SLC35F3: variants seen among roughly 807,000 people sequenced by gnomAD.
SLC35F3 encodes the protein solute carrier family 35 member F3, also known as putative thiamine transporter SLC35F3.
In SLC35F3, 25 loss-of-function variants were observed where a neutral mutation model predicts 49.9. The observed-to-expected ratio is 0.50, with a 90% CI of 0.37 to 0.70. The LOEUF is 0.70. Ranked by LOEUF, SLC35F3 falls within the 30% of genes least tolerant of loss-of-function variation. The pLI, the probability that SLC35F3 is intolerant of heterozygous loss-of-function variation, is 0.00. For missense variants in SLC35F3, 525 were observed against 639.8 expected (o/e 0.82, Z 1.94); for synonymous variants, 275 against 265.4 (o/e 1.04, Z -0.35).
intron 3 of SLC35F3, among the ~76,000 whole-genome samples, chr1:234,297,760 A>G (rs924266526): frequency 6.9e-6 from 1 of 144,188 alleles, no homozygotes; most frequent in African/African-American, 2.6e-5. Flanking sequence ...AAAAAAAAAA[A>G]CAGTTAAACT....
intron 2 of SLC35F3, among the ~76,000 whole-genome samples, chr1:233,950,850 T>G (rs1046397419): frequency 6.6e-6 from 1 of 152,032 alleles, no homozygotes; most frequent in Non-Finnish European, 1.5e-5. Context: ...TTTGTTGGTT[T>G]TTTTTCCCCC....
intron 2 of SLC35F3, among the ~76,000 whole-genome samples, chr1:234,139,461 C>T (rs1256493978): frequency 2.0e-5 from 3 of 152,102 alleles, no homozygotes; most frequent in Non-Finnish European, 2.9e-5. Context: ...AGTAAAGGCA[C>T]TCTACAATAG....
At chr1:233,946,424 G>T (rs1025054401) in intron 2 of SLC35F3, among the ~76,000 whole-genome samples, 27 of 152,190 alleles carry the variant, frequency 1.8e-4, no homozygotes, top group African/African-American at 2.4e-5. Flanking sequence ...ATTAAGAAAA[G>T]ATATCGAATG....
intron 2 of SLC35F3, among the ~76,000 whole-genome samples, chr1:234,150,963 C>T (rs1465837273): frequency 6.6e-6 from 1 of 152,120 alleles, no homozygotes; most frequent in African/African-American, 2.4e-5. Context: ...TTAAGAAGCA[C>T]GCTAAAACTG....
At chr1:234,097,320 C>G (rs752868074) in intron 2 of SLC35F3, among the ~76,000 whole-genome samples, 28 of 152,178 alleles carry the variant, frequency 1.8e-4, no homozygotes, top group Non-Finnish European at 3.4e-4. Flanking sequence ...CCAAAAATCA[C>G]TTGTACCCCA....
At chr1:234,034,623 C>T (rs976729443) in intron 2 of SLC35F3, among the ~76,000 whole-genome samples, 30 of 146,518 alleles carry the variant, frequency 2.0e-4, no homozygotes, top group African/African-American at 7.8e-4. Context: ...CGGATTCAAG[C>T]GATTATCCTG....
intron 3 of SLC35F3, 68 bp from the exon 4 acceptor site, chr1:234,309,033 C>A: frequency 3.3e-6 from 4 of 1,220,772 alleles, no homozygotes; most frequent in Non-Finnish European, 4.6e-6. Flanking sequence ...AAAAAACTTG[C>A]TATAGGAAAT....
At position 234,142,682 on chromosome 1, in the gene SLC35F3, C is replaced by T. The variant is rs563221915; in HGVS notation, c.284-88735C>T. Among the ~76,000 whole-genome samples the T allele has an allele frequency of 1.4e-3, 207 of 151,960 alleles. 1 individual carries two copies. In the South Asian group the frequency reaches 0.017, roughly 13 times the overall value. ...CTCAAAAAAAAAACGCATGATGTGTCGCTATATGGGGGGACCCTATGGTTG... is the reference window on the plus strand; with the variant it reads ...CTCAAAAAAAAAACGCATGATGTGTTGCTATATGGGGGGACCCTATGGTTG... On this transcript the variant is annotated intron_variant, in intron 2 of 7. Coordinates refer to ENST00000366618, the MANE Select transcript of SLC35F3 (RefSeq NM_173508.4).
At chr1:234,249,214 C>G (rs750744377) in intron 3 of SLC35F3, among the ~76,000 whole-genome samples, 1 of 152,162 alleles carries the variant, frequency 6.6e-6, no homozygotes, top group African/African-American at 2.4e-5. Flanking sequence ...TGAATGGTCT[C>G]ATCCTTATCA....
At chr1:234,167,750 CCCACCA>C (rs1229931114) in intron 2 of SLC35F3, among the ~76,000 whole-genome samples, 1 of 152,092 alleles carries the variant, frequency 6.6e-6, no homozygotes, top group Non-Finnish European at 1.5e-5. Context: ...TCATTTCATC[CCCACCA>C]CCTCATGGTA....
chr1:233,940,393 G>T (rs1662401228), intron 2 of SLC35F3, among the ~76,000 whole-genome samples: 1 of 151,656 alleles, frequency 6.6e-6, no homozygotes, highest in South Asian at 2.1e-4. Context: ...GAGAGAGAGA[G>T]AGATAGGAAT....
Position 234,320,330 on chromosome 1 carries a change from ATACTCT to A in SLC35F3, c.1237+144_1237+149del. The A allele has an allele frequency of 1.6e-6, 1 of 630,166 alleles. No homozygotes were observed. Among genetic ancestry groups the A allele is most frequent in the Non-Finnish European group, 2.9e-6 (1 of 344,986 alleles). The allele number at this position is 630,166 out of a possible 1,614,324, so 39.0% of individuals were successfully genotyped here. Reference sequence around the variant, plus strand: ...CACTCATGCATACACACACACACACATACTCTCACATACATACTCACATATATTATT... The same window carrying A: ...CACTCATGCATACACACACACACACACACATACATACTCACATATATTATT... On this transcript the variant is annotated intron_variant, in intron 7 of 7. Coordinates refer to ENST00000366618, the MANE Select transcript of SLC35F3 (RefSeq NM_173508.4). This position sits in a 1 kb window ranked among gnomAD's most constrained non-coding sequence, Gnocchi z 4.8.
At chr1:233,908,392 C>G (rs1661810201) in intron 2 of SLC35F3, among the ~76,000 whole-genome samples, 2 of 152,112 alleles carry the variant, frequency 1.3e-5, no homozygotes, top group Non-Finnish European at 1.5e-5. Context: ...CATTTGTATC[C>G]TCTTCATTTT....
At chr1:233,948,158 T>C (rs144841431) in intron 2 of SLC35F3, among the ~76,000 whole-genome samples, 1 of 150,854 alleles carries the variant, frequency 6.6e-6, no homozygotes, top group African/African-American at 2.4e-5. Flanking sequence ...ACAGGGCATG[T>C]GTCCATACTC....
intron 2 of SLC35F3, among the ~76,000 whole-genome samples, chr1:234,121,554 T>G (rs1230123913): frequency 6.7e-6 from 1 of 150,184 alleles, no homozygotes; most frequent in East Asian, 1.9e-4. Context: ...TTAAAGAAGC[T>G]TTTTTTTTCT....
At chr1:234,295,446 C>T (rs750651406) in intron 3 of SLC35F3, among the ~76,000 whole-genome samples, 2 of 152,256 alleles carry the variant, frequency 1.3e-5, no homozygotes, top group African/African-American at 2.4e-5. Context: ...ATGCAAAGAG[C>T]ACATTGGTCA....
At chr1:234,173,800 G>C (rs2102920200) in intron 2 of SLC35F3, among the ~76,000 whole-genome samples, 1 of 152,292 alleles carries the variant, frequency 6.6e-6, no homozygotes, top group South Asian at 2.1e-4. Context: ...TCCTTCAGTG[G>C]GAGAGAAGGG....
At chr1:233,987,522 A>ATTTTTTTTT (rs1663285983) in intron 2 of SLC35F3, among the ~76,000 whole-genome samples, 1 of 141,450 alleles carries the variant, frequency 7.1e-6, no homozygotes, top group African/African-American at 3.0e-5. Flanking sequence ...TTTTATTTTG[A>ATTTTTTTTT]TCTATCTTTT....
In SLC35F3 at chr1:234,323,215, G is replaced by A. The variant is rs767617535; in HGVS notation, c.1445G>A (p.Arg482Lys). The A allele has an allele frequency of 1.9e-6, 3 of 1,613,972 alleles. No homozygotes were observed. The Admixed American group carries it at 5.0e-5, about 27-fold the overall frequency. ...AGCTCAGGACCTCAGAGCAAGAACA[G>A]AAGAGCCCGCCCTTCCTTCGCCCGC... ...DLSSGPQSKN[R>K]RARPSFAR The change falls in exon 8 of 8, where the codon AGA becomes AAA. Residue 482 changes from arginine (R) to lysine (K), a missense_variant. Transcript: ENST00000366618. The surrounding 1 kb of genome is among the most constrained non-coding windows in gnomAD (Gnocchi z 4.5).
Sources: allele counts gnomAD v4.1 joint callset (sites outside exome capture counted in the v4.1 genomes callset), GRCh38; gene constraint gnomAD v4.1.1; non-coding constraint Gnocchi (gnomAD v3.1); transcripts MANE v1.5; gene names NCBI Gene and HGNC (gene_info 2026-07-23, HGNC 2026-07-21).